The following GALM variants were observed in gnomAD, a reference collection of about 807,000 sequenced individuals.
GALM encodes the protein aldose 1-epimerase.
A neutral mutation model predicts 37.4 loss-of-function variants in GALM; 43 were observed. The ratio of observed to expected loss-of-function variants is 1.15; its 90% CI spans 0.90 to 1.48. The LOEUF is 1.48. GALM is among the 40% of genes most tolerant of loss of function. GALM has a pLI of 0.00. For missense variants in GALM, 456 were observed against 419.1 expected, an observed-to-expected ratio of 1.09 and a Z score of -0.77; for synonymous variants, 199 against 170.6, an observed-to-expected ratio of 1.17 and a Z score of -1.30.
chr2:38,729,785 A>G, intron 5 of GALM, 88 bp downstream of exon 5: 1 of 1,116,162 alleles, frequency 9.0e-7, no homozygotes, highest in Non-Finnish European at 1.3e-6. Flanking sequence ...GGCCATATCA[A>G]TAGCATTTAC....
intron 4 of GALM, among the ~76,000 whole-genome samples, chr2:38,713,785 G>C (rs1249835259): frequency 3.9e-5 from 6 of 151,964 alleles, no homozygotes; most frequent in Non-Finnish European, 8.8e-5. Context: ...CACACCTGTA[G>C]TCCCAGCTAC....
chr2:38,667,885 C>T (rs762108263), intron 1 of GALM, among the ~76,000 whole-genome samples: 4 of 152,186 alleles, frequency 2.6e-5, no homozygotes, highest in Non-Finnish European at 4.4e-5. Context: ...TTCTGTGTAA[C>T]AGCTGACCAT....
intron 4 of GALM, among the ~76,000 whole-genome samples, chr2:38,713,026 C>A (rs1002731325): frequency 8.5e-5 from 13 of 152,094 alleles, no homozygotes; most frequent in African/African-American, 3.1e-4. Context: ...TTTCACGATG[C>A]TGGGATGTCT....
intron 4 of GALM, among the ~76,000 whole-genome samples, chr2:38,693,277 G>A (rs531956717): frequency 5.3e-5 from 8 of 152,266 alleles, no homozygotes; most frequent in African/African-American, 1.4e-4. Flanking sequence ...GAGATCAGGA[G>A]TTCGAGACCA....
intron 3 of GALM, among the ~76,000 whole-genome samples, chr2:38,682,717 T>C (rs1396647100): frequency 6.6e-6 from 1 of 151,930 alleles, no homozygotes; most frequent in African/African-American, 2.4e-5. Context: ...ACCAACATAG[T>C]GAAACCCCGT....
In GALM at chr2:38,714,476, A is replaced by T. The variant is rs56264512; in HGVS notation, c.635-15080A>T. On this transcript the variant is annotated intron_variant, in intron 4 of 6. Transcript: ENST00000272252. ...GTGATCCGCCCACCTCAGCCTGCAA[A>T]AGTACTGGGATTACAGGTGAGCCAC... Among the ~76,000 whole-genome samples the T allele has an allele frequency of 9.0e-3, 1,367 of 152,176 alleles. 13 individuals are homozygous for T. Among genetic ancestry groups the T allele is most frequent in the Non-Finnish European group, 0.015 (1,004 of 68,012 alleles).
Position 38,729,683 on chromosome 2 carries a change from G to C in GALM, c.762G>C (p.Lys254Asn). Reference protein sequence around the residue: ...HNFCLKGSKEKHFCARVHHAA... With the variant: ...HNFCLKGSKENHFCARVHHAA... ...TCTGTCTGAAGGGATCTAAAGAAAA[G>C]CATTTTTGTGCAAGGTCAGGTACTT... is the stretch of plus-strand genomic sequence containing the variant. The change falls in exon 5 of 7, where the codon AAG becomes AAC. Residue 254 changes from lysine (K) to asparagine (N), a missense_variant. Coordinates refer to ENST00000272252, the MANE Select transcript of GALM (RefSeq NM_138801.3). The C allele has an allele frequency of 6.2e-7, 1 of 1,612,764 alleles. No homozygotes were observed. The highest frequency in any genetic ancestry group is 2.2e-5 in the East Asian group (1 of 44,804).
At chr2:38,729,276 C>T (rs1477216882) in intron 4 of GALM, among the ~76,000 whole-genome samples, 1 of 152,144 alleles carries the variant, frequency 6.6e-6, no homozygotes, top group African/African-American at 2.4e-5. Context: ...TAGCCTCGAC[C>T]TCCTGGGCTC....
chr2:38,705,862 G>A (rs1666024824), intron 4 of GALM, among the ~76,000 whole-genome samples: 1 of 152,012 alleles, frequency 6.6e-6, no homozygotes, highest in African/African-American at 2.4e-5. Context: ...ATTTTTGACG[G>A]AGTCTTGTGC....
At chr2:38,691,115 A>G (rs1007162466) in intron 4 of GALM, among the ~76,000 whole-genome samples, 2 of 152,226 alleles carry the variant, frequency 1.3e-5, no homozygotes, top group African/African-American at 4.8e-5. Context: ...ACTGCAAGGA[A>G]AAAATAGTGG....
At chr2:38,682,333 T>G (rs1558580509) in intron 3 of GALM, 1 of 427,752 alleles carries the variant, frequency 2.3e-6, no homozygotes, top group Non-Finnish European at 4.8e-6. Context: ...TTCCTCTTTA[T>G]CTGAAGAACT....
chr2:38,733,175 C>T (rs190844894), intron 6 of GALM, among the ~76,000 whole-genome samples: 70 of 149,158 alleles, frequency 4.7e-4, no homozygotes, highest in African/African-American at 1.6e-3. Flanking sequence ...GAGCTGAGAT[C>T]GCCCCACTGC....
intron 3 of GALM, among the ~76,000 whole-genome samples, chr2:38,683,654 C>G (rs1216297646): frequency 1.3e-5 from 2 of 151,958 alleles, no homozygotes; most frequent in African/African-American, 4.8e-5. Flanking sequence ...GCAACCTCCA[C>G]CTTCTGGGTT....
chr2:38,681,943 G>C (rs1054554829), intron 3 of GALM, among the ~76,000 whole-genome samples: 1 of 152,248 alleles, frequency 6.6e-6, no homozygotes, highest in Admixed American at 6.5e-5. Context: ...GGGTTTGGGT[G>C]GGCCAGTCCT....
chr2:38,700,459 A>G (rs1298976260), intron 4 of GALM, among the ~76,000 whole-genome samples: 1 of 151,850 alleles, frequency 6.6e-6, no homozygotes, highest in African/African-American at 2.4e-5. Context: ...CTCTTACTGA[A>G]TTGATCCCTT....
chr2:38,710,873 C>G (rs1382614825), intron 4 of GALM, among the ~76,000 whole-genome samples: 1 of 151,562 alleles, frequency 6.6e-6, no homozygotes, highest in East Asian at 1.9e-4. Flanking sequence ...CCTGCCTCAG[C>G]CTCCCGAGTA....
At position 38,733,816 on chromosome 2, in the gene GALM, C is replaced by A; in HGVS notation, c.*251C>A. The A allele has an allele frequency of 2.1e-6, 1 of 482,314 alleles. No homozygotes were observed. The highest frequency in any genetic ancestry group is 3.8e-6 in the Non-Finnish European group (1 of 263,444). 29.9% of individuals were successfully genotyped at this position (482,314 alleles called of 1,614,324 possible). A position where few individuals can be genotyped will look rare whatever the true frequency, so the allele number is the denominator to read the frequency against. On this transcript the variant is annotated 3_prime_UTR_variant, in exon 7 of 7. Coordinates refer to ENST00000272252, the MANE Select transcript of GALM (RefSeq NM_138801.3). Reference sequence around the variant, plus strand: ...TGAACCCAACCAACAATGTCGTCATCTAAGCCCTGACCCTAGCCAGGGACT... The same window carrying A: ...TGAACCCAACCAACAATGTCGTCATATAAGCCCTGACCCTAGCCAGGGACT...
intron 4 of GALM, among the ~76,000 whole-genome samples, chr2:38,700,219 T>C (rs1665888107): frequency 6.6e-6 from 1 of 152,286 alleles, no homozygotes; most frequent in African/African-American, 2.4e-5. Flanking sequence ...CCCAACGTAC[T>C]AGGATAACAG....
intron 1 of GALM, chr2:38,668,971 G>C (rs1665022476): frequency 1.3e-5 from 2 of 152,052 alleles, no homozygotes; most frequent in African/African-American, 4.8e-5. Flanking sequence ...CAATTTCCCA[G>C]ACAGGTTATA....
Sources: allele counts gnomAD v4.1 joint callset (sites outside exome capture counted in the v4.1 genomes callset), GRCh38; gene constraint gnomAD v4.1.1; transcripts MANE v1.5; gene names NCBI Gene and HGNC (gene_info 2026-07-23, HGNC 2026-07-21).